The following CHLSN variants were observed in gnomAD, a reference collection of about 807,000 sequenced individuals.
CHLSN encodes protein cholesin.
At chr7:1,081,197 G>A in the CHLSN span, among the ~76,000 whole-genome samples, 1 of 152,222 alleles carries the variant, frequency 6.6e-6, no homozygotes, top group African/African-American at 2.4e-5. Flanking sequence ...GGGCAGTGCC[G>A]CTGGGAGACG....
the CHLSN span, chr7:1,092,864 T>C: frequency 6.2e-7 from 1 of 1,610,328 alleles, no homozygotes; most frequent in Non-Finnish European, 8.5e-7. Context: ...TAGACAGCCT[T>C]GGCCGCATAG....
At chr7:1,022,928 T>A in the CHLSN span, 1 of 452,436 alleles carries the variant, frequency 2.2e-6, no homozygotes, top group Non-Finnish European at 4.5e-6. Flanking sequence ...CACTCCATGG[T>A]CCCGGCGCAG....
At chr7:1,093,465 G>A in the CHLSN span, 2 of 468,590 alleles carry the variant, frequency 4.3e-6, no homozygotes, top group Non-Finnish European at 8.9e-6. Flanking sequence ...ATGGCGCTGT[G>A]CGGCCTCACC....
the CHLSN span, among the ~76,000 whole-genome samples, chr7:980,359 T>C: frequency 1.1e-4 from 16 of 152,184 alleles, no homozygotes; most frequent in Non-Finnish European, 2.9e-5. Flanking sequence ...TCAGGTCTGA[T>C]CAGAACAGTC....
chr7:987,348 C>T, the CHLSN span: 1 of 1,574,286 alleles, frequency 6.4e-7, no homozygotes, highest in Non-Finnish European at 8.6e-7. Context: ...TTGCCCCAGG[C>T]CGGGTGCAGG....
the CHLSN span, among the ~76,000 whole-genome samples, chr7:1,114,085 G>C: frequency 6.6e-6 from 1 of 152,234 alleles, no homozygotes; most frequent in Non-Finnish European, 1.5e-5. Context: ...CGGTGCCCAT[G>C]GCAAGCTTTC....
At chr7:1,004,985 C>T in the CHLSN span, among the ~76,000 whole-genome samples, 5 of 152,148 alleles carry the variant, frequency 3.3e-5, no homozygotes, top group African/African-American at 1.2e-4. Context: ...CCCTGCTAGC[C>T]TACTGGGCTT....
chr7:1,077,567 T>G, the CHLSN span, among the ~76,000 whole-genome samples: 14 of 152,390 alleles, frequency 9.2e-5, no homozygotes, highest in African/African-American at 2.6e-4. Flanking sequence ...GGCTGCTTTC[T>G]GAACGTGCAA....
chr7:1,043,240 T>A, the CHLSN span, among the ~76,000 whole-genome samples: 1,192 of 151,742 alleles, frequency 7.9e-3, 10 homozygotes, highest in Middle Eastern at 0.027. Flanking sequence ...AAAAAAAAAA[T>A]ATTAAAATGC....
At chr7:1,122,834 G>T in the CHLSN span, among the ~76,000 whole-genome samples, 1 of 152,196 alleles carries the variant, frequency 6.6e-6, no homozygotes, top group Admixed American at 6.5e-5. Flanking sequence ...AAGAGGAAAG[G>T]CCCAAGGCGC....
the CHLSN span, among the ~76,000 whole-genome samples, chr7:1,111,248 T>C: frequency 6.6e-6 from 1 of 152,170 alleles, no homozygotes; most frequent in East Asian, 1.9e-4. Context: ...AATAAATAAA[T>C]AAAATAAAGC....
At chr7:1,054,806 C>T in the CHLSN span, among the ~76,000 whole-genome samples, 1 of 152,244 alleles carries the variant, frequency 6.6e-6, no homozygotes, top group Non-Finnish European at 1.5e-5. Flanking sequence ...TGCACGGAGA[C>T]ACCAGATGCA....
the CHLSN span, chr7:984,945 T>C: frequency 0.54 from 853,846 of 1,593,382 alleles, 232,024 homozygotes; most frequent in African/African-American, 0.72. Context: ...TGTATCTGCC[T>C]ACAGGCATCT....
At chr7:1,083,789 G>A in the CHLSN span, among the ~76,000 whole-genome samples, 1 of 152,182 alleles carries the variant, frequency 6.6e-6, no homozygotes, top group African/African-American at 2.4e-5. Flanking sequence ...GGGACAGGAC[G>A]GCGGCACCGA....
At chr7:984,843 C>T in the CHLSN span, 1 of 1,428,846 alleles carries the variant, frequency 7.0e-7, no homozygotes, top group South Asian at 1.4e-5. Flanking sequence ...GGGTGAGGGC[C>T]CAGCCAGTCT....
chr7:1,136,567 T>G, the CHLSN span, among the ~76,000 whole-genome samples: 1 of 41,492 alleles, frequency 2.4e-5, no homozygotes, highest in Non-Finnish European at 4.8e-5. Context: ...TATAAACATA[T>G]AAACATAAAC....
chr7:1,071,119 G>C, the CHLSN span, among the ~76,000 whole-genome samples: 1 of 152,272 alleles, frequency 6.6e-6, no homozygotes, highest in Non-Finnish European at 1.5e-5. Flanking sequence ...GGGGCCATGA[G>C]ACTGGATTCC....
At chr7:1,062,155 C>G in the CHLSN span, among the ~76,000 whole-genome samples, 17 of 152,106 alleles carry the variant, frequency 1.1e-4, no homozygotes, top group African/African-American at 3.4e-4. Flanking sequence ...CACAAAAAAA[C>G]CTTGCCCTGC....
the CHLSN span, among the ~76,000 whole-genome samples, chr7:1,064,589 C>T: frequency 2.5e-4 from 38 of 152,332 alleles, no homozygotes; most frequent in African/African-American, 9.1e-4. Flanking sequence ...AGAACCGAAG[C>T]TCAAAGCTCA....
Sources: allele counts gnomAD v4.1 joint callset (sites outside exome capture counted in the v4.1 genomes callset), GRCh38; gene constraint gnomAD v4.1.1; transcripts MANE v1.5; gene names NCBI Gene and HGNC (gene_info 2026-07-23, HGNC 2026-07-21).